AVL9: variants seen among roughly 807,000 people sequenced by gnomAD.
AVL9 encodes AVL9 cell migration associated.
Under a neutral mutation model 79.2 loss-of-function variants are expected in AVL9, and 49 were observed. The observed-to-expected ratio is 0.62, with a 90% confidence interval of 0.49 to 0.79. AVL9 has a LOEUF of 0.79. AVL9 is among the 30% of genes least tolerant of loss of function. The pLI, the probability that AVL9 is intolerant of heterozygous loss-of-function variation, is 0.00. For synonymous variants in AVL9, 299 were observed against 280.6 expected, an observed-to-expected ratio of 1.07 and a Z score of -0.65; for missense variants, 682 against 776.8, an observed-to-expected ratio of 0.88 and a Z score of 1.45.
chr7:32,576,332 C>T (rs984535241), intron 13 of AVL9, among the ~76,000 whole-genome samples: 1 of 152,132 alleles, frequency 6.6e-6, no homozygotes, highest in African/African-American at 2.4e-5. Context: ...AAGTCCCTGG[C>T]ACTTGGTGAT....
intron 1 of AVL9, among the ~76,000 whole-genome samples, chr7:32,541,888 T>TATTTTTAG (rs1284299246): frequency 1.3e-5 from 2 of 152,066 alleles, no homozygotes; most frequent in African/African-American, 4.8e-5. Context: ...CTAATTTTTA[T>TATTTTTAG]ATTTTTAGTA....
intron 1 of AVL9, among the ~76,000 whole-genome samples, chr7:32,517,987 T>C (rs2128121979): frequency 6.6e-6 from 1 of 152,192 alleles, no homozygotes; most frequent in East Asian, 1.9e-4. Context: ...TGTGCCACCA[T>C]GCCTGGCTAA....
In AVL9 at chr7:32,587,431, G is replaced by A. The variant is rs535713972; in HGVS notation, c.*3524G>A. The A allele has an allele frequency of 6.6e-6, 1 of 152,344 alleles. No individual in the cohort carries two copies. The highest frequency in any genetic ancestry group is 2.1e-4 in the South Asian group (1 of 4,826). The allele number at this position is 152,344 out of a possible 1,614,324, so 9.4% of individuals were successfully genotyped here. On this transcript the variant is annotated 3_prime_UTR_variant, in exon 16 of 16. Transcript: ENST00000318709. ...AGTTTTGTAGAAGTTACAGCTAGTGGTCTTTTCCCTCCAGAGCCAGTGATG... is the reference window on the plus strand; with the variant it reads ...AGTTTTGTAGAAGTTACAGCTAGTGATCTTTTCCCTCCAGAGCCAGTGATG...
At chr7:32,565,205 A>T (rs1206013447) in intron 10 of AVL9, among the ~76,000 whole-genome samples, 1 of 152,188 alleles carries the variant, frequency 6.6e-6, no homozygotes, top group Non-Finnish European at 1.5e-5. Context: ...TCTAGTTACG[A>T]GATTATTGCC....
At chr7:32,526,409 A>T (rs1340966064) in intron 1 of AVL9, among the ~76,000 whole-genome samples, 2 of 152,186 alleles carry the variant, frequency 1.3e-5, no homozygotes, top group Non-Finnish European at 2.9e-5. Flanking sequence ...AGAAGAGACA[A>T]ACCGGGTTCT....
At chr7:32,511,808 G>A (rs899606021) in intron 1 of AVL9, among the ~76,000 whole-genome samples, 2 of 152,106 alleles carry the variant, frequency 1.3e-5, no homozygotes, top group African/African-American at 2.4e-5. Flanking sequence ...GCTGGAAGAC[G>A]AGAGCCAGAA....
chr7:32,533,489 T>A (rs1225394885), intron 1 of AVL9: 1 of 152,168 alleles, frequency 6.6e-6, no homozygotes, highest in African/African-American at 2.4e-5. Context: ...ATACAGTGAT[T>A]TGTTGCCAAC....
chr7:32,553,625 T>G (rs1301748430), intron 6 of AVL9, 102 bp from the exon 7 acceptor site: 1 of 668,332 alleles, frequency 1.5e-6, no homozygotes, highest in Non-Finnish European at 2.5e-6. Context: ...ATTCCTACTT[T>G]TTTTTTTTTT....
At position 32,548,455 on chromosome 7, in the gene AVL9, G is replaced by A. The variant is rs1399205440; in HGVS notation, c.301-392G>A. 2.6e-5 allele frequency among the ~76,000 whole-genome samples: 4 copies of A among 152,066 alleles called. No homozygotes were observed. The East Asian group carries it at 5.8e-4, about 22-fold the overall frequency. ...GAGCCATTGCTCTTGGCCTTTTGTC[G>A]TCTCTTAAACTAGCCCCTTCTCACC... On this transcript the variant is annotated intron_variant, in intron 3 of 15. Coordinates refer to ENST00000318709, the MANE Select transcript of AVL9 (RefSeq NM_015060.3).
At chr7:32,530,191 G>A (rs1788588823) in intron 1 of AVL9, among the ~76,000 whole-genome samples, 1 of 152,006 alleles carries the variant, frequency 6.6e-6, no homozygotes, top group African/African-American at 2.4e-5. Flanking sequence ...TTTTAACTTG[G>A]AACTTAGGGT....
At chr7:32,546,772 C>T (rs1008930188) in intron 3 of AVL9, among the ~76,000 whole-genome samples, 6 of 151,820 alleles carry the variant, frequency 4.0e-5, no homozygotes, top group Admixed American at 6.6e-5. Context: ...TGCAGTGAGC[C>T]GAGATGGCGC....
intron 8 of AVL9, among the ~76,000 whole-genome samples, chr7:32,555,331 C>T (rs1295005655): frequency 6.6e-6 from 1 of 152,144 alleles, no homozygotes; most frequent in African/African-American, 2.4e-5. Context: ...AACAGAGCCA[C>T]TGTCTCAAAA....
At chr7:32,511,674 G>T (rs902932192) in intron 1 of AVL9, among the ~76,000 whole-genome samples, 5 of 151,860 alleles carry the variant, frequency 3.3e-5, no homozygotes, top group African/African-American at 4.9e-5. Flanking sequence ...GGGAGGTAGG[G>T]TGCTGGGAAG....
chr7:32,502,862 G>A (rs1787203252), intron 1 of AVL9, among the ~76,000 whole-genome samples: 1 of 152,214 alleles, frequency 6.6e-6, no homozygotes, highest in Admixed American at 6.5e-5. Flanking sequence ...AGACAGAGAG[G>A]TGACAGATAT....
chr7:32,568,961 A>C (rs1333446884), intron 10 of AVL9, among the ~76,000 whole-genome samples: 2 of 152,208 alleles, frequency 1.3e-5, no homozygotes, highest in African/African-American at 4.8e-5. Context: ...CCAAATTACC[A>C]GACATATATT....
chr7:32,568,166 G>A (rs1790665633), intron 10 of AVL9, among the ~76,000 whole-genome samples: 2 of 151,170 alleles, frequency 1.3e-5, no homozygotes, highest in African/African-American at 4.9e-5. Context: ...CGCCCAGCCC[G>A]CTTATTCTTT....
At chr7:32,519,104 C>T (rs1338027942) in intron 1 of AVL9, among the ~76,000 whole-genome samples, 1 of 152,068 alleles carries the variant, frequency 6.6e-6, no homozygotes, top group African/African-American at 2.4e-5. Context: ...CTGTTAAACT[C>T]TATGAAAGAG....
At chr7:32,582,151 G>A (rs1231894670) in intron 15 of AVL9, among the ~76,000 whole-genome samples, 1 of 152,032 alleles carries the variant, frequency 6.6e-6, no homozygotes, top group Non-Finnish European at 1.5e-5. Context: ...CCTGAACATT[G>A]CAACAGTGCA....
chr7:32,573,233 A>T lies in AVL9; in HGVS notation c.1385A>T (p.Glu462Val). ...GCTCTGATCCAGATCCATGATCCAG[A>T]ACTCAGGAAGCTGCTTAACCCAACC... Reference protein sequence around the residue: ...EEALIQIHDPELRKLLNPTTA... With the variant: ...EEALIQIHDPVLRKLLNPTTA... The change falls in exon 12 of 16, where the codon GAA becomes GTA. Residue 462 changes from glutamate (E) to valine (V), a missense_variant. By Grantham distance (121) the Glu-to-Val change is moderately radical. Coordinates refer to ENST00000318709, the MANE Select transcript of AVL9 (RefSeq NM_015060.3). 1 of 1,614,068 alleles carries T rather than the reference A, an allele frequency of 6.2e-7. No homozygotes were observed. The highest frequency in any genetic ancestry group is 8.5e-7 in the Non-Finnish European group (1 of 1,179,996).
Sources: gnomAD v4.1 joint callset for allele counts (sites outside exome capture counted in the v4.1 genomes callset) on GRCh38, gnomAD v4.1.1 for gene constraint, MANE v1.5 for transcripts, NCBI Gene and HGNC (gene_info 2026-07-23, HGNC 2026-07-21) for gene names.